The following ADGRL2 variants were observed in gnomAD, a reference collection of about 807,000 sequenced individuals.
ADGRL2 encodes calcium-independent alpha-latrotoxin receptor 2.
In ADGRL2, 44 loss-of-function variants were observed where a neutral mutation model predicts 157.4. The ratio of observed to expected loss-of-function variants is 0.28; its 90% CI spans 0.22 to 0.36. The LOEUF (loss-of-function observed/expected upper bound fraction) is 0.36. Among genes scored for constraint, ADGRL2 ranks in the 10% least tolerant of loss-of-function variants. The pLI, the probability that ADGRL2 is intolerant of heterozygous loss-of-function variation, is 1.00. For missense variants in ADGRL2, 1,510 were observed against 1,768.9 expected, an observed-to-expected ratio of 0.85 and a Z score of 2.63; for synonymous variants, 585 against 624.7, an observed-to-expected ratio of 0.94 and a Z score of 0.95.
intron 17 of ADGRL2, among the ~76,000 whole-genome samples, chr1:81,977,343 A>ATC (rs1660450662): frequency 6.6e-6 from 1 of 151,866 alleles, no homozygotes; most frequent in Non-Finnish European, 1.5e-5. Flanking sequence ...AAGAGGAGAA[A>ATC]TGCATTGAAC....
At chr1:81,459,705 C>T (rs970644524) in intron 2 of ADGRL2, among the ~76,000 whole-genome samples, 14 of 150,960 alleles carry the variant, frequency 9.3e-5, no homozygotes, top group East Asian at 2.0e-4. Context: ...TATATATATA[C>T]ACACACACAC....
intron 1 of ADGRL2, among the ~76,000 whole-genome samples, chr1:81,315,236 G>C (rs1420322371): frequency 3.9e-5 from 6 of 152,020 alleles, no homozygotes; most frequent in Admixed American, 3.9e-4. Context: ...TTGATTAGAG[G>C]TAGAGATTTG....
At chr1:81,822,750 TAA>T (rs1385439252) in intron 1 of ADGRL2, among the ~76,000 whole-genome samples, 2 of 152,306 alleles carry the variant, frequency 1.3e-5, no homozygotes, top group East Asian at 1.9e-4. Context: ...CATTTTGAGA[TAA>T]GTTTGAAATT....
chr1:81,447,760 T>C (rs1213065942), intron 2 of ADGRL2, among the ~76,000 whole-genome samples: 2 of 152,180 alleles, frequency 1.3e-5, no homozygotes, highest in Non-Finnish European at 2.9e-5. Flanking sequence ...CTTACATGTA[T>C]GCGTATGCCT....
At chr1:81,353,375 T>A (rs1033108656) in intron 1 of ADGRL2, among the ~76,000 whole-genome samples, 1 of 152,020 alleles carries the variant, frequency 6.6e-6, no homozygotes, top group African/African-American at 2.4e-5. Flanking sequence ...GAATTAAGGA[T>A]AGAATGATAA....
chr1:81,510,166 A>T (rs895463378), intron 2 of ADGRL2, among the ~76,000 whole-genome samples: 1 of 152,220 alleles, frequency 6.6e-6, no homozygotes, highest in Non-Finnish European at 1.5e-5. Flanking sequence ...ACTAAATTAG[A>T]CTGAACTAAC....
At chr1:81,659,121 G>A (rs1321657155) in intron 3 of ADGRL2, among the ~76,000 whole-genome samples, 1 of 139,630 alleles carries the variant, frequency 7.2e-6, no homozygotes, top group Non-Finnish European at 1.5e-5. Context: ...GAGTGCAATG[G>A]CACAATTTCA....
At chr1:81,684,243 C>T (rs1013687067) in intron 3 of ADGRL2, among the ~76,000 whole-genome samples, 8 of 152,198 alleles carry the variant, frequency 5.3e-5, no homozygotes, top group African/African-American at 1.9e-4. Context: ...AGTTTACATT[C>T]CCACCAGCAG....
rs192922815 is a variant in ADGRL2 at position 81,970,628 on chromosome 1, C to G, written c.2954+94C>G. 15 of 857,086 alleles carry G rather than the reference C, an allele frequency of 1.8e-5. No homozygotes were observed. In the African/African-American group the frequency reaches 2.3e-4, roughly 13 times the overall value. 53.1% of individuals were successfully genotyped at this position (857,086 alleles called of 1,614,324 possible). A position where few individuals can be genotyped will look rare whatever the true frequency, so the allele number is the denominator to read the frequency against. ...GAGGGTCCCTGACAGATTAAAATAG[C>G]ATCTGAAAGCTTTATTGGTAAGAGA... is the stretch of plus-strand genomic sequence containing the variant. On this transcript the variant is annotated intron_variant, in intron 16 of 23. Coordinates refer to ENST00000686636, the MANE Select transcript of ADGRL2 (RefSeq NM_001366006.2).
At chr1:81,851,276 G>T (rs1318359167) in intron 2 of ADGRL2, among the ~76,000 whole-genome samples, 4 of 151,876 alleles carry the variant, frequency 2.6e-5, no homozygotes, top group African/African-American at 2.4e-5. Context: ...GCTAACGTTG[G>T]CTTCTCTTCC....
At chr1:81,768,328 A>G (rs918898854) in intron 2 of ADGRL2, among the ~76,000 whole-genome samples, 6 of 152,162 alleles carry the variant, frequency 3.9e-5, no homozygotes, top group African/African-American at 1.4e-4. Flanking sequence ...GGTGTGAGCT[A>G]CTGCACCTAG....
chr1:81,347,689 A>G (rs1662580097), intron 1 of ADGRL2, among the ~76,000 whole-genome samples: 1 of 152,186 alleles, frequency 6.6e-6, no homozygotes, highest in Non-Finnish European at 1.5e-5. Context: ...TTCATATTGC[A>G]AAAAATGAGA....
intron 1 of ADGRL2, among the ~76,000 whole-genome samples, chr1:81,372,295 G>T (rs1008560888): frequency 2.6e-5 from 4 of 152,164 alleles, no homozygotes; most frequent in Non-Finnish European, 4.4e-5. Flanking sequence ...ATCATTCAAA[G>T]AATATTGGTA....
intron 3 of ADGRL2, among the ~76,000 whole-genome samples, chr1:81,591,436 T>C (rs2081131310): frequency 6.6e-6 from 1 of 152,202 alleles, no homozygotes; most frequent in Non-Finnish European, 1.5e-5. Flanking sequence ...GTCTGCTTTC[T>C]AGCTACAAGA....
At chr1:81,391,116 A>C (rs538202349) in intron 1 of ADGRL2, among the ~76,000 whole-genome samples, 2 of 152,300 alleles carry the variant, frequency 1.3e-5, no homozygotes, top group Non-Finnish European at 2.9e-5. Context: ...CAGGCAATCA[A>C]GTTTGTTAAC....
intron 3 of ADGRL2, among the ~76,000 whole-genome samples, chr1:81,600,472 G>A (rs2081313854): frequency 6.6e-6 from 1 of 152,168 alleles, no homozygotes; most frequent in Non-Finnish European, 1.5e-5. Flanking sequence ...CTAACTTAGG[G>A]CAAACGCAGA....
At chr1:81,372,234 A>T (rs2076172763) in intron 1 of ADGRL2, among the ~76,000 whole-genome samples, 1 of 152,234 alleles carries the variant, frequency 6.6e-6, no homozygotes, top group Non-Finnish European at 1.5e-5. Context: ...ATCTGAGAAT[A>T]AAGATAAAGT....
At chr1:81,668,339 C>T (rs982580775) in intron 3 of ADGRL2, among the ~76,000 whole-genome samples, 2 of 151,410 alleles carry the variant, frequency 1.3e-5, no homozygotes, top group Admixed American at 6.6e-5. Flanking sequence ...GCAGAAGAAT[C>T]GCATGAACCT....
chr1:81,848,048 C>G (rs1328964582), intron 2 of ADGRL2, among the ~76,000 whole-genome samples: 2 of 151,612 alleles, frequency 1.3e-5, no homozygotes, highest in Admixed American at 6.6e-5. Context: ...GATTTTTCCA[C>G]TTTTTAGTAT....
Sources: gnomAD v4.1 joint callset for allele counts (sites outside exome capture counted in the v4.1 genomes callset) on GRCh38, gnomAD v4.1.1 for gene constraint, MANE v1.5 for transcripts, NCBI Gene and HGNC (gene_info 2026-07-23, HGNC 2026-07-21) for gene names.